GRID2: variants seen among roughly 807,000 people sequenced by gnomAD.
GRID2 encodes the protein glutamate receptor ionotropic, delta-2.
A neutral mutation model predicts 114.8 loss-of-function variants in GRID2; 33 were observed. That is an observed-to-expected ratio of 0.29 (90% CI 0.22 to 0.38). The LOEUF (loss-of-function observed/expected upper bound fraction) is 0.38, where lower values mean the gene tolerates loss of function less well. GRID2 is among the 10% of genes least tolerant of loss of function. The pLI, the probability that GRID2 is intolerant of heterozygous loss-of-function variation, is 1.00. For synonymous variants in GRID2, 505 were observed against 449.9 expected, an observed-to-expected ratio of 1.12 and a Z score of -1.55; for missense variants, 1,184 against 1,257.7, an observed-to-expected ratio of 0.94 and a Z score of 0.89.
chr4:92,978,537 C>T (rs1432025658), intron 2 of GRID2, among the ~76,000 whole-genome samples: 1 of 152,060 alleles, frequency 6.6e-6, no homozygotes, highest in Non-Finnish European at 1.5e-5. Flanking sequence ...TATCCTGTTT[C>T]AAGACCTCTA....
chr4:92,570,673 C>T lies in GRID2; in HGVS notation c.89-19458C>T, dbSNP rs1397582968. On this transcript the variant is annotated intron_variant, in intron 1 of 15. Coordinates refer to ENST00000282020, the MANE Select transcript of GRID2 (RefSeq NM_001510.4). Reference sequence around the variant, plus strand: ...TTTTCTTGAAGAGAGCCTTCACTTCCCTTGTTATCTCCTAGGTATTTTATT... The same window carrying T: ...TTTTCTTGAAGAGAGCCTTCACTTCTCTTGTTATCTCCTAGGTATTTTATT... Among the ~76,000 whole-genome samples, 6 of 149,738 alleles carry T rather than the reference C, an allele frequency of 4.0e-5. No homozygotes were observed. The East Asian group carries it at 1.2e-3, about 30-fold the overall frequency.
chr4:93,128,565 C>T (rs1355871069), intron 4 of GRID2, among the ~76,000 whole-genome samples: 1 of 152,130 alleles, frequency 6.6e-6, no homozygotes, highest in Non-Finnish European at 1.5e-5. Context: ...TCCAATTTGT[C>T]AATCAATCTC....
chr4:92,936,112 A>T (rs369634200), intron 2 of GRID2, among the ~76,000 whole-genome samples: 1 of 146,842 alleles, frequency 6.8e-6, no homozygotes, highest in Non-Finnish European at 1.5e-5. Context: ...TAAACAAAAG[A>T]AATGCACTTT....
intron 14 of GRID2, among the ~76,000 whole-genome samples, chr4:93,702,256 C>A (rs999660868): frequency 3.3e-5 from 5 of 152,084 alleles, no homozygotes; most frequent in Non-Finnish European, 5.9e-5. Context: ...ATGCATTCTG[C>A]ATTAAGTCCT....
At position 92,962,230 on chromosome 4, in the gene GRID2, G is replaced by GT. The variant is rs1036287873; in HGVS notation, c.245-122758dup. 3.3e-5 allele frequency among the ~76,000 whole-genome samples: 5 copies of GT among 151,770 alleles called. No individual in the cohort carries two copies. In the East Asian group the frequency reaches 9.7e-4, roughly 30 times the overall value. ...TGTGTTTCTTTTTTTAGTATGCCTT[G>GT]TTTTTTTAATATATATCTGAACATG... On this transcript the variant is annotated intron_variant, in intron 2 of 15. Transcript: ENST00000282020.
At chr4:92,437,573 G>C (rs1732796088) in intron 1 of GRID2, among the ~76,000 whole-genome samples, 2 of 152,162 alleles carry the variant, frequency 1.3e-5, no homozygotes, top group African/African-American at 2.4e-5. Flanking sequence ...CCAGCTGACT[G>C]CTTAAAGGAC....
chr4:92,939,739 G>T lies in GRID2; in HGVS notation c.245-145256G>T, dbSNP rs372676130. Among the ~76,000 whole-genome samples, 5 of 146,866 alleles carry T rather than the reference G, an allele frequency of 3.4e-5. 1 individual carries two copies. The highest frequency in any genetic ancestry group is 6.0e-5 in the Non-Finnish European group (4 of 66,326). ...CTTTAATCCATCATGAATTAATTTT[G>T]GTATAAGGTGTAAGGAAGGGATCCA... On this transcript the variant is annotated intron_variant, in intron 2 of 15. Transcript: ENST00000282020.
chr4:93,241,421 T>C (rs1747496972), intron 8 of GRID2, among the ~76,000 whole-genome samples: 1 of 151,768 alleles, frequency 6.6e-6, no homozygotes, highest in Non-Finnish European at 1.5e-5. Flanking sequence ...ACTATACCAC[T>C]ATACTACTAT....
chr4:92,630,563 T>C, intron 2 of GRID2, among the ~76,000 whole-genome samples: 1 of 152,168 alleles, frequency 6.6e-6, no homozygotes, highest in African/African-American at 2.4e-5. Context: ...CAGCATCCTA[T>C]GCTTAATGCA....
intron 1 of GRID2, among the ~76,000 whole-genome samples, chr4:92,523,443 C>A (rs566688398): frequency 6.6e-6 from 1 of 151,816 alleles, no homozygotes; most frequent in African/African-American, 2.4e-5. Context: ...ACCATGAGAT[C>A]AGATGTGAGC....
intron 2 of GRID2, among the ~76,000 whole-genome samples, chr4:92,594,315 C>T (rs761228466): frequency 6.6e-6 from 1 of 151,830 alleles, no homozygotes; most frequent in Non-Finnish European, 1.5e-5. Context: ...AGGAAAATTT[C>T]AATCTAGGTG....
chr4:93,424,099 A>G (rs1199329079), intron 10 of GRID2, among the ~76,000 whole-genome samples: 1 of 151,956 alleles, frequency 6.6e-6, no homozygotes, highest in Non-Finnish European at 1.5e-5. Flanking sequence ...TCAGCAATAT[A>G]ATTTTATTTG....
intron 1 of GRID2, among the ~76,000 whole-genome samples, chr4:92,407,795 G>C (rs534739279): frequency 1.3e-5 from 2 of 152,090 alleles, no homozygotes; most frequent in East Asian, 3.9e-4. Flanking sequence ...TTTTTTGCTT[G>C]TTGATTTGTT....
intron 13 of GRID2, among the ~76,000 whole-genome samples, chr4:93,594,695 C>T (rs188403752): frequency 6.6e-6 from 1 of 152,198 alleles, no homozygotes; most frequent in Non-Finnish European, 1.5e-5. Flanking sequence ...GCTGTGCTAG[C>T]AATCAATGAG....
intron 11 of GRID2, among the ~76,000 whole-genome samples, chr4:93,471,001 A>T (rs1375157802): frequency 6.6e-6 from 1 of 152,090 alleles, no homozygotes; most frequent in Non-Finnish European, 1.5e-5. Context: ...AATCTATTTT[A>T]CAAATCTTTT....
intron 2 of GRID2, among the ~76,000 whole-genome samples, chr4:92,972,442 A>G (rs1475484682): frequency 6.6e-6 from 1 of 152,098 alleles, no homozygotes; most frequent in African/African-American, 2.4e-5. Context: ...GTAAAATATA[A>G]AAACATGGTT....
chr4:92,837,600 A>G (rs1742548318), intron 2 of GRID2, among the ~76,000 whole-genome samples: 1 of 152,108 alleles, frequency 6.6e-6, no homozygotes, highest in Non-Finnish European at 1.5e-5. Flanking sequence ...ATGAAATTCC[A>G]AGAAAAAATG....
At chr4:93,025,390 T>A (rs1237908721) in intron 2 of GRID2, among the ~76,000 whole-genome samples, 1 of 151,776 alleles carries the variant, frequency 6.6e-6, no homozygotes, top group African/African-American at 2.4e-5. Flanking sequence ...TATTCTGAAC[T>A]TAGTAAGATT....
At chr4:92,940,429 CTT>C (rs1751020389) in intron 2 of GRID2, among the ~76,000 whole-genome samples, 1 of 150,662 alleles carries the variant, frequency 6.6e-6, no homozygotes, top group Non-Finnish European at 1.5e-5. Context: ...TATCCTGAGA[CTT>C]TGCTGAAGTT....
Sources: gnomAD v4.1 joint callset for allele counts (sites outside exome capture counted in the v4.1 genomes callset) on GRCh38, gnomAD v4.1.1 for gene constraint, MANE v1.5 for transcripts, NCBI Gene and HGNC (gene_info 2026-07-23, HGNC 2026-07-21) for gene names.